Variants in TBC1D1 observed in about 807,000 individuals in gnomAD.
TBC1D1 encodes TBC1 (tre-2/USP6, BUB2, cdc16) domain family, member 1.
Under a neutral mutation model 125.6 loss-of-function variants are expected in TBC1D1, and 89 were observed. The ratio of observed to expected loss-of-function variants is 0.71; its 90% CI spans 0.60 to 0.85. The LOEUF (loss-of-function observed/expected upper bound fraction) is 0.85. Ranked by LOEUF, TBC1D1 falls within the 40% of genes least tolerant of loss-of-function variation. TBC1D1 has a pLI of 0.00. For synonymous variants in TBC1D1, 565 were observed against 564.1 expected (o/e 1.00, Z -0.02); for missense variants, 1,377 against 1,469.2 (o/e 0.94, Z 1.03).
intron 19 of TBC1D1, 110 bp downstream of exon 21, chr4:38,133,367 A>C: frequency 1.1e-6 from 1 of 940,484 alleles, no homozygotes; most frequent in Non-Finnish European, 1.6e-6. Flanking sequence ...GACCTTTCCC[A>C]CCCTGATCTG....
intron 17 of TBC1D1, among the ~76,000 whole-genome samples, chr4:38,120,296 A>G (rs1030577783): frequency 2.7e-4 from 41 of 152,196 alleles, no homozygotes; most frequent in African/African-American, 7.2e-4. Context: ...TCAAGGCCGC[A>G]CTGGCTTGTG....
At chr4:38,047,389 C>T (rs971835197) in intron 10 of TBC1D1, among the ~76,000 whole-genome samples, 2 of 152,138 alleles carry the variant, frequency 1.3e-5, no homozygotes, top group Admixed American at 1.3e-4. Context: ...GGCAATGCTG[C>T]TGCTCCTGGT....
At chr4:38,059,691 G>C (rs1196427914) in intron 12 of TBC1D1, among the ~76,000 whole-genome samples, 1 of 152,186 alleles carries the variant, frequency 6.6e-6, no homozygotes, top group Non-Finnish European at 1.5e-5. Context: ...ACTGCAGGTT[G>C]GGTGTGTTTA....
At chr4:37,918,460 T>TA (rs1317192733) in intron 2 of TBC1D1, among the ~76,000 whole-genome samples, 1 of 151,964 alleles carries the variant, frequency 6.6e-6, no homozygotes, top group Non-Finnish European at 1.5e-5. Context: ...CTTTTTTTTT[T>TA]TTTTTGAGAT....
At chr4:38,117,283 T>C (rs1763133683) in intron 16 of TBC1D1, among the ~76,000 whole-genome samples, 1 of 152,120 alleles carries the variant, frequency 6.6e-6, no homozygotes, top group East Asian at 1.9e-4. Flanking sequence ...CCTCTGTAGG[T>C]TGTTGTTTCT....
chr4:38,097,155 G>A (rs1020851561), intron 14 of TBC1D1, among the ~76,000 whole-genome samples: 16 of 152,102 alleles, frequency 1.1e-4, no homozygotes, highest in African/African-American at 3.6e-4. Flanking sequence ...GTGGGAAAAC[G>A]TTGTATATGC....
chr4:38,093,527 CTTTTT>C (rs71658755), intron 13 of TBC1D1, among the ~76,000 whole-genome samples: 3 of 144,436 alleles, frequency 2.1e-5, no homozygotes. Context: ...TTTCCCCCCC[CTTTTT>C]TTTTTTTTTG....
intron 12 of TBC1D1, among the ~76,000 whole-genome samples, chr4:38,064,183 TTATTAA>T (rs1409911456): frequency 6.6e-5 from 10 of 152,246 alleles, no homozygotes; most frequent in Non-Finnish European, 1.3e-4. Flanking sequence ...TTTTAATGAC[TTATTAA>T]TATTCCGTTG....
chr4:38,048,752 T>G (rs929568370), intron 10 of TBC1D1, among the ~76,000 whole-genome samples: 1 of 152,170 alleles, frequency 6.6e-6, no homozygotes, highest in Non-Finnish European at 1.5e-5. Context: ...TTTGAATATA[T>G]TAAAAATATA....
intron 2 of TBC1D1, among the ~76,000 whole-genome samples, chr4:37,987,229 G>A (rs893954404): frequency 2.0e-5 from 3 of 151,806 alleles, no homozygotes; most frequent in Non-Finnish European, 2.9e-5. Flanking sequence ...TGTGTTAGAA[G>A]TCTCATAATT....
chr4:38,039,958 T>A (rs1410309552), intron 8 of TBC1D1, among the ~76,000 whole-genome samples: 1 of 151,990 alleles, frequency 6.6e-6, no homozygotes, highest in Non-Finnish European at 1.5e-5. Flanking sequence ...CTGTTTTTTT[T>A]TTTTAAAGAA....
rs779395059 is a variant in TBC1D1, at chr4:37,995,769, C to T, written c.418-18740C>T. 12 of 535,188 alleles carry T rather than the reference C, an allele frequency of 2.2e-5. No individual in the cohort carries two copies. The highest frequency in any genetic ancestry group is 3.9e-5 in the Admixed American group (2 of 51,826). The allele number at this position is 535,188 out of a possible 1,614,324, so 33.2% of individuals were successfully genotyped here. A position where few individuals can be genotyped will look rare whatever the true frequency, so the allele number is the denominator to read the frequency against. On this transcript the variant is annotated intron_variant, in intron 2 of 19. Transcript: ENST00000261439. This position sits in a 1 kb window ranked among gnomAD's most constrained non-coding sequence, Gnocchi z 4.3. ...CTTTGGTCTTAACTGCATTCACCCT[C>T]TCCAGCACCTTCTCCTGGATTGCTA...
chr4:37,894,455 T>C (rs977548548), intron 1 of TBC1D1, among the ~76,000 whole-genome samples: 3 of 152,204 alleles, frequency 2.0e-5, no homozygotes, highest in Admixed American at 6.5e-5. Flanking sequence ...ATGTAGGAAA[T>C]ACATTTTAGA....
chr4:37,991,178 G>A (rs1242526176), intron 2 of TBC1D1, among the ~76,000 whole-genome samples: 1 of 152,198 alleles, frequency 6.6e-6, no homozygotes, highest in East Asian at 1.9e-4. Context: ...TTTCCCAAAT[G>A]TAGTAAATCC....
chr4:37,958,430 C>T lies in TBC1D1; in HGVS notation c.417+55918C>T, dbSNP rs1043871080. On this transcript the variant is annotated intron_variant, in intron 2 of 19. Coordinates refer to ENST00000261439, the MANE Select transcript of TBC1D1 (RefSeq NM_015173.4). The stretch of plus-strand genomic sequence containing the variant: ...CAAAATGGGACAGTTAATTTTTCCT[C>T]GTAGCCATGCTTTCCTCTGTTTTGT... 5.3e-5 allele frequency among the ~76,000 whole-genome samples: 8 copies of T among 152,146 alleles called. 1 individual carries two copies. The highest frequency in any genetic ancestry group is 3.3e-4 in the Admixed American group (5 of 15,268).
chr4:38,121,075 C>T (rs207464549), intron 17 of TBC1D1, among the ~76,000 whole-genome samples: 3 of 152,178 alleles, frequency 2.0e-5, no homozygotes, highest in Non-Finnish European at 2.9e-5. Context: ...AGGAAAATCT[C>T]CAGCTATTCA....
At chr4:37,949,667 G>T (rs1231663859) in intron 2 of TBC1D1, among the ~76,000 whole-genome samples, 1 of 152,178 alleles carries the variant, frequency 6.6e-6, no homozygotes, top group East Asian at 1.9e-4. Context: ...CTTCCTTCCA[G>T]ACGTTCTACA....
At chr4:37,965,080 A>G (rs189432661) in intron 2 of TBC1D1, among the ~76,000 whole-genome samples, 6 of 152,228 alleles carry the variant, frequency 3.9e-5, no homozygotes, top group Non-Finnish European at 8.8e-5. Flanking sequence ...TTGGTGAATT[A>G]TTTTACTTTC....
chr4:37,976,329 G>C (rs1733074780), intron 2 of TBC1D1, among the ~76,000 whole-genome samples: 1 of 152,176 alleles, frequency 6.6e-6, no homozygotes, highest in African/African-American at 2.4e-5. Flanking sequence ...GAAATTTTAG[G>C]GCGACTTTCA....
Sources: allele counts gnomAD v4.1 joint callset (sites outside exome capture counted in the v4.1 genomes callset), GRCh38; gene constraint gnomAD v4.1.1; non-coding constraint Gnocchi (gnomAD v3.1); transcripts MANE v1.5; gene names NCBI Gene and HGNC (gene_info 2026-07-23, HGNC 2026-07-21).